Variants in EXOC4 observed in about 807,000 individuals in gnomAD.
EXOC4 encodes the protein SEC8-like 1.
In EXOC4, 71 loss-of-function variants were observed where a neutral mutation model predicts 107.2. The observed-to-expected ratio is 0.66, with a 90% CI of 0.55 to 0.81. EXOC4 has a LOEUF of 0.81. EXOC4 is among the 30% of genes least tolerant of loss of function. EXOC4 has a pLI of 0.00. For missense variants in EXOC4, 1,108 were observed against 1,189.6 expected (o/e 0.93, Z 1.01); for synonymous variants, 456 against 441.2 (o/e 1.03, Z -0.42).
intron 7 of EXOC4, among the ~76,000 whole-genome samples, chr7:133,439,206 G>A (rs1200887783): frequency 2.6e-5 from 1 of 38,694 alleles, no homozygotes; most frequent in Admixed American, 3.8e-4. Flanking sequence ...TTTTTTTTGA[G>A]ATGGAGTCTC....
intron 14 of EXOC4, among the ~76,000 whole-genome samples, chr7:133,974,389 A>G (rs2116888390): frequency 6.6e-6 from 1 of 152,332 alleles, no homozygotes; most frequent in Non-Finnish European, 1.5e-5. Flanking sequence ...ATTACAGCTT[A>G]ATTCTAAATA....
intron 10 of EXOC4, among the ~76,000 whole-genome samples, chr7:133,688,967 T>C (rs1305829799): frequency 6.6e-6 from 1 of 152,198 alleles, no homozygotes; most frequent in African/African-American, 2.4e-5. Context: ...TTCTTTCATA[T>C]ATGGCCCAGT....
chr7:133,766,725 T>C (rs1200939097), intron 10 of EXOC4, among the ~76,000 whole-genome samples: 1 of 152,022 alleles, frequency 6.6e-6, no homozygotes, highest in Non-Finnish European at 1.5e-5. Flanking sequence ...TTGACAATGA[T>C]TCTCAAAGAC....
At chr7:133,569,087 A>C (rs1205263536) in intron 9 of EXOC4, among the ~76,000 whole-genome samples, 1 of 152,148 alleles carries the variant, frequency 6.6e-6, no homozygotes, top group African/African-American at 2.4e-5. Flanking sequence ...TAATATGAGA[A>C]CACAAACTTC....
intron 9 of EXOC4, among the ~76,000 whole-genome samples, chr7:133,575,940 G>A (rs916225722): frequency 3.3e-5 from 5 of 152,128 alleles, no homozygotes; most frequent in Admixed American, 2.6e-4. Context: ...TTTGGTAATT[G>A]CTCGTTCTCT....
intron 7 of EXOC4, among the ~76,000 whole-genome samples, chr7:133,451,378 G>A (rs1395773668): frequency 2.0e-5 from 3 of 151,972 alleles, no homozygotes; most frequent in Non-Finnish European, 4.4e-5. Flanking sequence ...GTAATTTAGG[G>A]CAGTATCCTC....
chr7:133,911,340 TAGTC>T (rs1799690330), intron 12 of EXOC4, among the ~76,000 whole-genome samples: 1 of 152,300 alleles, frequency 6.6e-6, no homozygotes, highest in African/African-American at 2.4e-5. Flanking sequence ...TAAATGCAAT[TAGTC>T]AGGGTGGACT....
At chr7:133,286,003 T>TCC (rs759940626) in intron 2 of EXOC4, among the ~76,000 whole-genome samples, 152 of 152,280 alleles carry the variant, frequency 1.0e-3, no homozygotes, top group Admixed American at 1.2e-3. Context: ...CCAGCAGCCC[T>TCC]CCACCTTGGC....
intron 7 of EXOC4, among the ~76,000 whole-genome samples, chr7:133,378,077 G>A (rs374320746): frequency 7.2e-5 from 11 of 152,156 alleles, no homozygotes; most frequent in Middle Eastern, 3.4e-3. Context: ...TTGGGAACCC[G>A]AGGCGGGTGG....
intron 10 of EXOC4, among the ~76,000 whole-genome samples, chr7:133,669,239 A>G (rs1793891464): frequency 1.3e-5 from 2 of 151,932 alleles, no homozygotes; most frequent in African/African-American, 4.8e-5. Context: ...TGCAGCCTTT[A>G]CAGTGGTGAG....
intron 11 of EXOC4, among the ~76,000 whole-genome samples, chr7:133,829,739 A>T (rs770291078): frequency 1.2e-4 from 18 of 152,110 alleles, no homozygotes; most frequent in Non-Finnish European, 2.5e-4. Flanking sequence ...GCTTTAGCAC[A>T]CTCACGTTTG....
intron 10 of EXOC4, among the ~76,000 whole-genome samples, chr7:133,707,258 T>G (rs1280356987): frequency 6.6e-6 from 1 of 152,096 alleles, no homozygotes; most frequent in Non-Finnish European, 1.5e-5. Context: ...GTGGTGCATG[T>G]CTATAATCCC....
At chr7:133,772,489 C>A (rs934605661) in intron 10 of EXOC4, among the ~76,000 whole-genome samples, 2 of 151,280 alleles carry the variant, frequency 1.3e-5, no homozygotes, top group Non-Finnish European at 2.9e-5. Flanking sequence ...TGTAACTAAC[C>A]TGCACAATGT....
chr7:133,776,150 A>C (rs1433047159), intron 10 of EXOC4, among the ~76,000 whole-genome samples: 1 of 152,182 alleles, frequency 6.6e-6, no homozygotes, highest in Non-Finnish European at 1.5e-5. Context: ...ATAGGTTAGC[A>C]ACTTAAAGAT....
At chr7:133,466,275 A>C (rs565870779) in intron 7 of EXOC4, among the ~76,000 whole-genome samples, 1 of 152,266 alleles carries the variant, frequency 6.6e-6, no homozygotes, top group Admixed American at 6.5e-5. Context: ...TCTTTTGAAA[A>C]GATCAAAAAT....
chr7:134,093,795 G>A, the EXOC4 span, among the ~76,000 whole-genome samples: 2 of 152,034 alleles, frequency 1.3e-5, no homozygotes, highest in African/African-American at 4.8e-5. Flanking sequence ...ATAATTACAT[G>A]GAAATTAAAC....
At chr7:133,647,106 C>T (rs1161561878) in intron 10 of EXOC4, among the ~76,000 whole-genome samples, 1 of 152,136 alleles carries the variant, frequency 6.6e-6, no homozygotes, top group Non-Finnish European at 1.5e-5. Flanking sequence ...TTTGACGGCA[C>T]GCAAACACTG....
At position 133,470,582 on chromosome 7, in the gene EXOC4, T is replaced by TTTGTTG. The variant is rs747368842; in HGVS notation, c.1183-4734_1183-4729dup. Among the ~76,000 whole-genome samples, 5 of 152,264 alleles carry TTTGTTG rather than the reference T, an allele frequency of 3.3e-5. No homozygotes were observed. In the East Asian group the frequency reaches 5.8e-4, roughly 18 times the overall value. The stretch of plus-strand genomic sequence containing the variant: ...AGACTTCCAAGTGCTTTCCAACTGT[T>TTTGTTG]TTGTTGTTGTTGTTGTTTCTTGCCT... On this transcript the variant is annotated intron_variant, in intron 7 of 17. Coordinates refer to ENST00000253861, the MANE Select transcript of EXOC4 (RefSeq NM_021807.4).
At chr7:133,576,870 C>T (rs774924677) in intron 9 of EXOC4, 75 of 1,288,912 alleles carry the variant, frequency 5.8e-5, no homozygotes, top group South Asian at 1.2e-4. Flanking sequence ...ATGAATTCAT[C>T]GGGTAATGTG....
Sources: allele counts gnomAD v4.1 joint callset (sites outside exome capture counted in the v4.1 genomes callset), GRCh38; gene constraint gnomAD v4.1.1; transcripts MANE v1.5; gene names NCBI Gene and HGNC (gene_info 2026-07-23, HGNC 2026-07-21).